Variants in APPL2 observed in about 807,000 individuals in gnomAD.
APPL2 encodes the protein adaptor protein, phosphotyrosine interacting with PH domain and leucine zipper 2, also known as DCC-interacting protein 13-beta.
In APPL2, 84 loss-of-function variants were observed where a neutral mutation model predicts 92.7. The observed-to-expected ratio is 0.91, with a 90% confidence interval of 0.76 to 1.09. The LOEUF (loss-of-function observed/expected upper bound fraction) is 1.09, where lower values mean the gene tolerates loss of function less well. Ranked by LOEUF, APPL2 falls within the 50% of genes least tolerant of loss-of-function variation. The pLI is 0.00. For synonymous variants in APPL2, 291 were observed against 291.0 expected, an observed-to-expected ratio of 1.00 and a Z score of 0.00; for missense variants, 736 against 824.5, an observed-to-expected ratio of 0.89 and a Z score of 1.31.
intron 10 of APPL2, 97 bp downstream of exon 10, chr12:105,199,276 C>T: frequency 7.0e-7 from 1 of 1,427,000 alleles, no homozygotes; most frequent in South Asian, 1.4e-5. Context: ...CACCCACCCA[C>T]CTCCCTCTGA....
intron 2 of APPL2, among the ~76,000 whole-genome samples, chr12:105,223,461 C>T (rs1283657106): frequency 6.6e-6 from 1 of 151,796 alleles, no homozygotes; most frequent in African/African-American, 2.4e-5. Flanking sequence ...GGGGCAGAGC[C>T]CAGGAGGGGG....
intron 8 of APPL2, among the ~76,000 whole-genome samples, chr12:105,204,440 T>G (rs577377976): frequency 3.3e-4 from 50 of 152,280 alleles, no homozygotes; most frequent in African/African-American, 1.1e-3. Context: ...TTTGCATCTA[T>G]TCCCCAGATA....
chr12:105,231,068 T>C (rs191593831), intron 1 of APPL2, among the ~76,000 whole-genome samples: 1 of 152,368 alleles, frequency 6.6e-6, no homozygotes, highest in African/African-American at 2.4e-5. Context: ...TTTCCTATTT[T>C]AGTCTATTCC....
In APPL2 at chr12:105,207,193, G is replaced by A. The variant is rs757102513; in HGVS notation, c.489C>T (p.Val163=). 22 of 1,613,186 alleles carry A rather than the reference G, an allele frequency of 1.4e-5. No homozygotes were observed. The highest frequency in any genetic ancestry group is 5.3e-5 in the African/African-American group (4 of 74,908). ...GCCGGGCCGCGGCCACCTCTTTTCCGACTTCGGTCTTCACCTGGTTAAAAG... is the reference window on the plus strand; with the variant it reads ...GCCGGGCCGCGGCCACCTCTTTTCCAACTTCGGTCTTCACCTGGTTAAAAG... ...KKENEKVKTE[V]GKEVAAARRK... Residue 163 remains valine (V), a synonymous_variant, in exon 8 of 21, where the codon GTC becomes GTT. Coordinates refer to ENST00000258530, the MANE Select transcript of APPL2 (RefSeq NM_018171.5).
At chr12:105,184,970 T>C (rs1338066473) in intron 17 of APPL2, among the ~76,000 whole-genome samples, 1 of 152,162 alleles carries the variant, frequency 6.6e-6, no homozygotes, top group Non-Finnish European at 1.5e-5. Context: ...AGGAGGAATC[T>C]AGAGAGGCAG....
chr12:105,206,497 T>A (rs1478780878), intron 8 of APPL2, among the ~76,000 whole-genome samples: 1 of 152,104 alleles, frequency 6.6e-6, no homozygotes, highest in Non-Finnish European at 1.5e-5. Flanking sequence ...CAACTCCCCA[T>A]CCTCAAAGTA....
chr12:105,225,812 AG>A (rs1181742771), intron 2 of APPL2, among the ~76,000 whole-genome samples: 3 of 152,248 alleles, frequency 2.0e-5, no homozygotes, highest in Non-Finnish European at 2.9e-5. Flanking sequence ...AACTGCTCAT[AG>A]AAGTTTTCCT....
intron 9 of APPL2, among the ~76,000 whole-genome samples, chr12:105,203,136 G>T (rs369064887): frequency 6.6e-6 from 1 of 152,086 alleles, no homozygotes; most frequent in African/African-American, 2.4e-5. Context: ...GATGGACCAA[G>T]CCTGAGGCTG....
At chr12:105,182,502 ATTAT>A (rs1367724235) in intron 17 of APPL2, among the ~76,000 whole-genome samples, 3 of 152,038 alleles carry the variant, frequency 2.0e-5, no homozygotes, top group Non-Finnish European at 4.4e-5. Context: ...CCTTAATTTC[ATTAT>A]TTATTTACCC....
rs530932657 is a variant in APPL2, at chr12:105,208,011, G to A, written c.434C>T (p.Ala145Val). 4.7e-5 allele frequency: 76 copies of A among 1,614,096 alleles called. No homozygotes were observed. In the South Asian group the frequency reaches 7.5e-4, roughly 16 times the overall value. Residue 145 changes from alanine to valine, a missense_variant, in exon 7 of 21, where the codon GCA (alanine) becomes GTA (valine). Transcript: ENST00000258530. ...LASNEHDLSMAKYSRLPKKKE... is the reference protein window; with the variant it reads ...LASNEHDLSMVKYSRLPKKKE... ...TTTCTTAGGCAGCCTGCTGTATTTT[G>A]CCATTGAGAGGTCATGCTCTAAAAA...
chr12:105,215,195 G>C (rs949345239), intron 4 of APPL2, among the ~76,000 whole-genome samples: 4 of 152,206 alleles, frequency 2.6e-5, no homozygotes, highest in Non-Finnish European at 5.9e-5. Flanking sequence ...CAGAGGCCTA[G>C]ACTTGCAATT....
At position 105,207,077 on chromosome 12, in the gene APPL2, C is replaced by G. The variant is rs368049760; in HGVS notation, c.605G>C (p.Gly202Ala). The G allele has an allele frequency of 5.0e-6, 8 of 1,613,972 alleles. No homozygotes were observed. In the African/African-American group the frequency reaches 9.3e-5, roughly 19 times the overall value. ...CTCCCCTACCTGTCCATGGGCAAAGCCTATCATGGGCTCCATCATGGCCAT... is the reference window on the plus strand; with the variant it reads ...CTCCCCTACCTGTCCATGGGCAAAGGCTATCATGGGCTCCATCATGGCCAT... ...KQMAMMEPMI[G>A]FAHGQINFFK... is the part of the protein sequence containing the mutation. Residue 202 changes from glycine to alanine, a missense_variant, in exon 8 of 21, where the codon GGC (glycine) becomes GCC (alanine). Coordinates refer to ENST00000258530, the MANE Select transcript of APPL2 (RefSeq NM_018171.5).
At chr12:105,218,197 C>T (rs953670789) in intron 2 of APPL2, among the ~76,000 whole-genome samples, 2 of 152,136 alleles carry the variant, frequency 1.3e-5, no homozygotes, top group Non-Finnish European at 2.9e-5. Flanking sequence ...GTGTGCCTGT[C>T]AAATAATAAA....
chr12:105,203,860 C>T (rs544254941), intron 8 of APPL2, 75 bp from the exon 9 acceptor site: 1 of 1,338,080 alleles, frequency 7.5e-7, no homozygotes, highest in South Asian at 1.2e-5. Flanking sequence ...GTGAGACAGG[C>T]AGCGTGAGGG....
At chr12:105,184,955 CAG>C (rs1394981517) in intron 17 of APPL2, among the ~76,000 whole-genome samples, 2 of 152,150 alleles carry the variant, frequency 1.3e-5, no homozygotes, top group Non-Finnish European at 2.9e-5. Context: ...ATGCCCTGCC[CAG>C]AGAGGAGGAA....
At chr12:105,185,291 C>T (rs998006153) in intron 17 of APPL2, among the ~76,000 whole-genome samples, 31 of 152,186 alleles carry the variant, frequency 2.0e-4, no homozygotes, top group African/African-American at 6.3e-4. Flanking sequence ...GAGGTTCAGA[C>T]GCCACTGGGG....
chr12:105,178,677 C>G (rs560641785), intron 17 of APPL2, among the ~76,000 whole-genome samples: 1 of 152,208 alleles, frequency 6.6e-6, no homozygotes, highest in East Asian at 1.9e-4. Flanking sequence ...GCAAGTCACC[C>G]GGACTTCTTA....
intron 2 of APPL2, among the ~76,000 whole-genome samples, chr12:105,222,359 T>C (rs1890169850): frequency 6.6e-6 from 1 of 151,996 alleles, no homozygotes; most frequent in African/African-American, 2.4e-5. Flanking sequence ...AGGAGGCCAC[T>C]TGGAGAAGCT....
intron 9 of APPL2, among the ~76,000 whole-genome samples, chr12:105,200,415 C>A (rs1888058405): frequency 6.6e-6 from 1 of 152,184 alleles, no homozygotes; most frequent in South Asian, 2.1e-4. Context: ...ATAGTTCTGC[C>A]CTGAGGCTTC....
Sources: gnomAD v4.1 joint callset for allele counts (sites outside exome capture counted in the v4.1 genomes callset) on GRCh38, gnomAD v4.1.1 for gene constraint, MANE v1.5 for transcripts, NCBI Gene and HGNC (gene_info 2026-07-23, HGNC 2026-07-21) for gene names.